Variants in CAMTA1 observed in about 807,000 individuals in gnomAD.
CAMTA1 encodes the protein calmodulin binding transcription activator 1, also known as calmodulin-binding transcription activator 1.
Under a neutral mutation model 170.9 loss-of-function variants are expected in CAMTA1, and 27 were observed. The observed-to-expected ratio is 0.16, with a 90% CI of 0.12 to 0.22. CAMTA1 has a LOEUF of 0.22. Among genes scored for constraint, CAMTA1 ranks in the 10% least tolerant of loss-of-function variants. CAMTA1 has a pLI of 1.00. For missense variants in CAMTA1, 1,619 were observed against 2,217.2 expected (o/e 0.73, Z 5.42); for synonymous variants, 833 against 891.5 (o/e 0.93, Z 1.17).
Position 7,566,890 on chromosome 1 carries a change from A to G in CAMTA1, c.511-73510A>G, listed in dbSNP as rs74055141. Among the ~76,000 whole-genome samples, 626 of 152,350 alleles carry G rather than the reference A, an allele frequency of 4.1e-3. 6 individuals carry two copies. The highest frequency in any genetic ancestry group is 0.014 in the African/African-American group (574 of 41,592). The stretch of plus-strand genomic sequence containing the variant: ...ACTCCCGAGCACCCCCTCTGTGCCC[A>G]CACGGACACAGTCTTCATGGGCCAG... On this transcript the variant is annotated intron_variant, in intron 6 of 22. Transcript: ENST00000303635.
At chr1:7,306,249 T>C (rs1459000240) in intron 5 of CAMTA1, among the ~76,000 whole-genome samples, 16 of 152,060 alleles carry the variant, frequency 1.1e-4, no homozygotes, top group African/African-American at 3.9e-4. Flanking sequence ...AGTGTATGAT[T>C]TTACATATTG....
intron 6 of CAMTA1, among the ~76,000 whole-genome samples, chr1:7,493,839 G>T (rs1207565407): frequency 1.3e-5 from 2 of 152,186 alleles, no homozygotes; most frequent in South Asian, 4.1e-4. Context: ...TCTGTGTTCA[G>T]CTTGGGGGTC....
chr1:6,800,326 G>A (rs1272286237), intron 1 of CAMTA1, among the ~76,000 whole-genome samples: 1 of 152,038 alleles, frequency 6.6e-6, no homozygotes, highest in Non-Finnish European at 1.5e-5. Flanking sequence ...AGGATTACTT[G>A]AGCCCTTGAG....
At chr1:7,096,373 G>A (rs1409908353) in intron 4 of CAMTA1, among the ~76,000 whole-genome samples, 2 of 152,026 alleles carry the variant, frequency 1.3e-5, no homozygotes, top group Non-Finnish European at 2.9e-5. Flanking sequence ...TCTCCCTTGT[G>A]GGGCTCCCAG....
rs1353244272 is a variant in CAMTA1, at chr1:7,635,545, G to A, written c.511-4855G>A. ...AATGGCGTGAACCCGGGAGGCGGAG[G>A]TTGCAGTGAGCCGAGATCGCGCCAC... On this transcript the variant is annotated intron_variant, in intron 6 of 22. Coordinates refer to ENST00000303635, the MANE Select transcript of CAMTA1 (RefSeq NM_015215.4). This position sits in a 1 kb window ranked among gnomAD's most constrained non-coding sequence, Gnocchi z 4.4. 6.6e-6 allele frequency among the ~76,000 whole-genome samples: 1 copy of A among 150,960 alleles called. No individual in the cohort carries two copies. The highest frequency in any genetic ancestry group is 1.5e-5 in the Non-Finnish European group (1 of 67,886).
intron 3 of CAMTA1, among the ~76,000 whole-genome samples, chr1:6,868,433 A>G (rs552655401): frequency 4.9e-4 from 74 of 151,848 alleles, no homozygotes; most frequent in African/African-American, 1.6e-3. Context: ...TTTAGCTTCT[A>G]TGACTCTGCA....
chr1:7,450,846 A>G (rs909351250), intron 5 of CAMTA1, among the ~76,000 whole-genome samples: 1 of 150,694 alleles, frequency 6.6e-6, no homozygotes, highest in Non-Finnish European at 1.5e-5. Context: ...GAGCCCCTCT[A>G]TTGGGGCAGA....
intron 5 of CAMTA1, among the ~76,000 whole-genome samples, chr1:7,439,341 G>A (rs926536460): frequency 2.0e-5 from 3 of 152,166 alleles, no homozygotes; most frequent in Non-Finnish European, 4.4e-5. Flanking sequence ...TCGTTGTCTG[G>A]AATCGAGCCC....
At chr1:7,061,456 G>A (rs2101753109) in intron 3 of CAMTA1, among the ~76,000 whole-genome samples, 1 of 152,338 alleles carries the variant, frequency 6.6e-6, no homozygotes, top group East Asian at 1.9e-4. Flanking sequence ...AGCGGCGTCT[G>A]TGCCAGACCA....
intron 3 of CAMTA1, among the ~76,000 whole-genome samples, chr1:6,949,324 C>T (rs1250485700): frequency 6.6e-6 from 1 of 152,202 alleles, no homozygotes; most frequent in Non-Finnish European, 1.5e-5. Context: ...AACTGCAGCC[C>T]TTTCTGCTGA....
chr1:7,425,873 C>T (rs1161889651), intron 5 of CAMTA1, among the ~76,000 whole-genome samples: 1 of 152,190 alleles, frequency 6.6e-6, no homozygotes, highest in Non-Finnish European at 1.5e-5. Context: ...GTTGTGACTC[C>T]AGCTTCCCCA....
At chr1:6,845,505 T>C (rs1657728131) in intron 3 of CAMTA1, among the ~76,000 whole-genome samples, 1 of 152,262 alleles carries the variant, frequency 6.6e-6, no homozygotes, top group South Asian at 2.1e-4. Context: ...TCTGTGCATA[T>C]ATTAAAAAAT....
At chr1:6,787,518 T>C (rs1255614292) in intron 1 of CAMTA1, among the ~76,000 whole-genome samples, 1 of 152,228 alleles carries the variant, frequency 6.6e-6, no homozygotes, top group Non-Finnish European at 1.5e-5. Flanking sequence ...TCATTACATA[T>C]ACAGTGCACA....
At chr1:7,011,370 C>T (rs1699759067) in intron 3 of CAMTA1, among the ~76,000 whole-genome samples, 1 of 152,116 alleles carries the variant, frequency 6.6e-6, no homozygotes, top group Non-Finnish European at 1.5e-5. Context: ...TTTAAAAAAC[C>T]CTTCCAATGC....
At chr1:7,104,073 A>G (rs1643259911) in intron 4 of CAMTA1, among the ~76,000 whole-genome samples, 1 of 151,556 alleles carries the variant, frequency 6.6e-6, no homozygotes, top group Non-Finnish European at 1.5e-5. Context: ...TACACACTAC[A>G]CAGATGTACA....
At chr1:6,979,962 C>T (rs1464728957) in intron 3 of CAMTA1, among the ~76,000 whole-genome samples, 3 of 152,136 alleles carry the variant, frequency 2.0e-5, no homozygotes, top group Non-Finnish European at 2.9e-5. Context: ...ACGGGGGAGT[C>T]TCAGTGCTGT....
chr1:6,848,934 G>T (rs1335665981), intron 3 of CAMTA1, among the ~76,000 whole-genome samples: 1 of 152,156 alleles, frequency 6.6e-6, no homozygotes, highest in African/African-American at 2.4e-5. Flanking sequence ...GAGAATAAAT[G>T]GAAGCTGTAT....
At chr1:6,983,484 G>A (rs1347943658) in intron 3 of CAMTA1, among the ~76,000 whole-genome samples, 2 of 152,054 alleles carry the variant, frequency 1.3e-5, no homozygotes, top group Non-Finnish European at 2.9e-5. Context: ...GTCATAATCT[G>A]TTGTCATACT....
At chr1:7,095,420 A>G (rs1373426164) in intron 4 of CAMTA1, among the ~76,000 whole-genome samples, 2 of 152,110 alleles carry the variant, frequency 1.3e-5, no homozygotes, top group African/African-American at 4.8e-5. Flanking sequence ...GTGTTCTCTC[A>G]CACCGCCCAT....
Sources: allele counts gnomAD v4.1 joint callset (sites outside exome capture counted in the v4.1 genomes callset), GRCh38; gene constraint gnomAD v4.1.1; non-coding constraint Gnocchi (gnomAD v3.1); transcripts MANE v1.5; gene names NCBI Gene and HGNC (gene_info 2026-07-23, HGNC 2026-07-21).